Variants in COL23A1 observed in about 807,000 individuals in gnomAD.
COL23A1 encodes the protein collagen alpha-1(XXIII) chain.
Under a neutral mutation model 99.3 loss-of-function variants are expected in COL23A1, and 97 were observed. That is an observed-to-expected ratio of 0.98 (90% CI 0.83 to 1.16). The LOEUF (loss-of-function observed/expected upper bound fraction) is 1.16. Ranked by LOEUF, COL23A1 falls within the 50% of genes most tolerant of loss-of-function variation. The pLI is 0.00. For missense variants in COL23A1, 762 were observed against 757.4 expected, an observed-to-expected ratio of 1.01 and a Z score of -0.07; for synonymous variants, 320 against 308.2, an observed-to-expected ratio of 1.04 and a Z score of -0.40.
At chr5:178,517,362 C>A (rs1485929556) in intron 2 of COL23A1, among the ~76,000 whole-genome samples, 1 of 152,222 alleles carries the variant, frequency 6.6e-6, no homozygotes, top group East Asian at 1.9e-4. Context: ...TAGAATGCTC[C>A]CCTGAGATCT....
chr5:178,492,094 C>A (rs1757963993), intron 2 of COL23A1, among the ~76,000 whole-genome samples: 1 of 152,104 alleles, frequency 6.6e-6, no homozygotes, highest in Admixed American at 6.5e-5. Flanking sequence ...ATATTCTATT[C>A]AAATAATTTT....
At chr5:178,382,666 C>A (rs1763446832) in intron 2 of COL23A1, among the ~76,000 whole-genome samples, 1 of 152,148 alleles carries the variant, frequency 6.6e-6, no homozygotes, top group Non-Finnish European at 1.5e-5. Context: ...CCCTCCAGTC[C>A]CAGGAGTTGG....
At chr5:178,416,230 C>A (rs781335117) in intron 2 of COL23A1, among the ~76,000 whole-genome samples, 1 of 152,106 alleles carries the variant, frequency 6.6e-6, no homozygotes, top group African/African-American at 2.4e-5. Flanking sequence ...AACATGATGA[C>A]CAACTAGTTG....
Position 178,466,794 on chromosome 5 carries a change from G to A in COL23A1, c.361+93888C>T, listed in dbSNP as rs147370463. 1.8e-3 allele frequency among the ~76,000 whole-genome samples: 272 copies of A among 152,336 alleles called. 2 individuals carry two copies. The highest frequency in any genetic ancestry group is 6.1e-3 in the African/African-American group (254 of 41,580). On this transcript the variant is annotated intron_variant, in intron 2 of 28. Coordinates refer to ENST00000390654, the MANE Select transcript of COL23A1 (RefSeq NM_173465.4). ...AAGGACTGTTGGAGCAGCTCTGGCCGTGCCAGGCTGGCCAGGTGGAAGGAC... is the reference window on the plus strand; with the variant it reads ...AAGGACTGTTGGAGCAGCTCTGGCCATGCCAGGCTGGCCAGGTGGAAGGAC...
chr5:178,578,553 C>T (rs1021058666), intron 1 of COL23A1, among the ~76,000 whole-genome samples: 20 of 152,182 alleles, frequency 1.3e-4, no homozygotes, highest in Admixed American at 1.3e-3. Context: ...TTTAAACTGT[C>T]TTTTCAAATA....
intron 2 of COL23A1, chr5:178,344,962 G>A (rs1760879761): frequency 1.6e-6 from 1 of 611,298 alleles, no homozygotes. Flanking sequence ...TGGTTGCTGA[G>A]ACAGAAGAGG....
At chr5:178,435,872 C>T (rs1766531660) in intron 2 of COL23A1, among the ~76,000 whole-genome samples, 1 of 152,178 alleles carries the variant, frequency 6.6e-6, no homozygotes, top group South Asian at 2.1e-4. Flanking sequence ...ATGCTTGCCA[C>T]ATAGGTAGCA....
At chr5:178,270,561 G>A (rs1756230429) in intron 5 of COL23A1, among the ~76,000 whole-genome samples, 198 bp from the exon 6 acceptor site, 1 of 152,166 alleles carries the variant, frequency 6.6e-6, no homozygotes, top group Non-Finnish European at 1.5e-5. Context: ...CCCCTCCTCT[G>A]ACAAGAGAGC....
At chr5:178,448,102 T>C (rs1320057473) in intron 2 of COL23A1, among the ~76,000 whole-genome samples, 1 of 152,120 alleles carries the variant, frequency 6.6e-6, no homozygotes, top group Non-Finnish European at 1.5e-5. Flanking sequence ...ACGGGATTAG[T>C]GCTAGTCACA....
At chr5:178,549,851 C>A (rs866330121) in intron 2 of COL23A1, among the ~76,000 whole-genome samples, 3 of 152,036 alleles carry the variant, frequency 2.0e-5, no homozygotes, top group Admixed American at 6.6e-5. Context: ...AAAACAATTT[C>A]TTTAACAACA....
intron 2 of COL23A1, among the ~76,000 whole-genome samples, chr5:178,487,535 A>C (rs1264391093): frequency 6.6e-6 from 1 of 152,028 alleles, no homozygotes; most frequent in African/African-American, 2.4e-5. Context: ...AAAATGGTTA[A>C]ACTTTAAAAT....
chr5:178,562,478 C>G (rs1762623488), intron 1 of COL23A1: 1 of 150,292 alleles, frequency 6.7e-6, no homozygotes, highest in Non-Finnish European at 1.5e-5. Flanking sequence ...TGGCGTGAAA[C>G]CAGCAGGCGG....
intron 2 of COL23A1, among the ~76,000 whole-genome samples, chr5:178,538,430 A>C (rs1445306320): frequency 1.3e-5 from 2 of 152,254 alleles, no homozygotes; most frequent in Non-Finnish European, 2.9e-5. Context: ...CATTTTATTA[A>C]AAAATTAGAT....
At position 178,523,201 on chromosome 5, in the gene COL23A1, T is replaced by TAGAGAGAGAGAGAG. The variant is rs70997609; in HGVS notation, c.361+37467_361+37480dup. ...ATACACATATATATATATATATATA[T>TAGAGAGAGAGAGAG]AGAGAGAGAGAGAGAGAGAGAGAGA... On this transcript the variant is annotated intron_variant, in intron 2 of 28. Coordinates refer to ENST00000390654, the MANE Select transcript of COL23A1 (RefSeq NM_173465.4). 4.3e-3 allele frequency among the ~76,000 whole-genome samples: 333 copies of TAGAGAGAGAGAGAG among 77,564 alleles called. 1 individual carries two copies. Among genetic ancestry groups the TAGAGAGAGAGAGAG allele is most frequent in the Non-Finnish European group, 6.9e-3 (272 of 39,634 alleles). The allele number at this position is 77,564 out of a possible 152,430, so 50.9% of individuals were successfully genotyped here.
At chr5:178,502,738 C>A (rs1227558725) in intron 2 of COL23A1, among the ~76,000 whole-genome samples, 1 of 152,212 alleles carries the variant, frequency 6.6e-6, no homozygotes. Context: ...AGTTGACGGT[C>A]CAGCAACGCC....
chr5:178,342,481 C>A (rs1760725809), intron 2 of COL23A1, among the ~76,000 whole-genome samples: 1 of 152,214 alleles, frequency 6.6e-6, no homozygotes, highest in African/African-American at 2.4e-5. Context: ...CCCTTGATAC[C>A]TGCAGTTTCC....
chr5:178,250,217 T>G (rs1420009067), intron 17 of COL23A1, 112 bp from the exon 18 acceptor site: 3 of 1,231,282 alleles, frequency 2.4e-6, no homozygotes, highest in Non-Finnish European at 3.5e-6. Context: ...TCTTTGCAGT[T>G]GGACCTCTAG....
chr5:178,300,587 T>C (rs1054342575), intron 3 of COL23A1, among the ~76,000 whole-genome samples: 23 of 152,068 alleles, frequency 1.5e-4, no homozygotes, highest in African/African-American at 5.6e-4. Flanking sequence ...TCTCACTGTG[T>C]TGTCCAGGCT....
In COL23A1 at chr5:178,242,492, T is replaced by A. The variant is rs564253738; in HGVS notation, c.1441-98A>T. 6 of 1,230,436 alleles carry A rather than the reference T, an allele frequency of 4.9e-6. No homozygotes were observed. The Admixed American group carries it at 9.0e-5, about 19-fold the overall frequency. 76.2% of individuals were successfully genotyped at this position (1,230,436 alleles called of 1,614,324 possible). A position where few individuals can be genotyped will look rare whatever the true frequency, so the allele number is the denominator to read the frequency against. ...GTTCCTCTCCCATCCACACGCCCAC[T>A]TTCCCCCCTGCATATTCGTGGCACA... On this transcript the variant is annotated intron_variant, in intron 25 of 28. Coordinates refer to ENST00000390654, the MANE Select transcript of COL23A1 (RefSeq NM_173465.4).
Sources: gnomAD v4.1 joint callset for allele counts (sites outside exome capture counted in the v4.1 genomes callset) on GRCh38, gnomAD v4.1.1 for gene constraint, MANE v1.5 for transcripts, NCBI Gene and HGNC (gene_info 2026-07-23, HGNC 2026-07-21) for gene names.